ANKS1B: variants seen among roughly 807,000 people sequenced by gnomAD.
ANKS1B encodes the protein ankyrin repeat and sterile alpha motif domain containing 1B.
A neutral mutation model predicts 148.3 loss-of-function variants in ANKS1B; 36 were observed. The observed-to-expected ratio is 0.24, with a 90% CI of 0.19 to 0.32. The LOEUF is 0.32. Ranked by LOEUF, ANKS1B falls within the 10% of genes least tolerant of loss-of-function variation. ANKS1B has a pLI of 1.00. For synonymous variants in ANKS1B, 542 were observed against 560.8 expected, an observed-to-expected ratio of 0.97 and a Z score of 0.47; for missense variants, 1,157 against 1,542.6, an observed-to-expected ratio of 0.75 and a Z score of 4.19.
chr12:99,521,658 C>T (rs191600975), intron 9 of ANKS1B, among the ~76,000 whole-genome samples: 52 of 152,214 alleles, frequency 3.4e-4, no homozygotes, highest in African/African-American at 1.2e-3. Flanking sequence ...CTCTTGATTA[C>T]CAGGCAGAGA....
At chr12:98,929,065 C>T (rs640801) in intron 17 of ANKS1B, among the ~76,000 whole-genome samples, 117,681 of 147,662 alleles carry the variant, frequency 0.8, 51,282 homozygotes, top group Non-Finnish European at 0.86. Context: ...CACACACACA[C>T]ACACACAAGT....
chr12:99,499,361 G>T (rs551830753), intron 10 of ANKS1B, among the ~76,000 whole-genome samples: 1 of 152,154 alleles, frequency 6.6e-6, no homozygotes, highest in East Asian at 1.9e-4. Context: ...AAACACAATT[G>T]GGGAAAATTA....
At chr12:99,258,111 CCA>C (rs968815738) in intron 12 of ANKS1B, among the ~76,000 whole-genome samples, 1 of 152,080 alleles carries the variant, frequency 6.6e-6, no homozygotes, top group African/African-American at 2.4e-5. Flanking sequence ...TTCAAAAAAA[CCA>C]CAGTTTATTA....
At chr12:99,413,359 C>T (rs1013951323) in intron 11 of ANKS1B, among the ~76,000 whole-genome samples, 22 of 152,006 alleles carry the variant, frequency 1.4e-4, no homozygotes, top group African/African-American at 5.3e-4. Flanking sequence ...GCATTTTCCC[C>T]GAAAGACACC....
In ANKS1B at chr12:99,286,438, C is replaced by T. The variant is rs11109797; in HGVS notation, c.1757-39574G>A. ...TACTTGTCATAGGCCTTGGGTAAGA[C>T]CCAGGGCCACACTGGCTTTATGTGT... On this transcript the variant is annotated intron_variant, in intron 12 of 26. Transcript: ENST00000683438. Among the ~76,000 whole-genome samples the T allele has an allele frequency of 4.6e-5, 7 of 152,104 alleles. No individual in the cohort carries two copies. In the East Asian group the frequency reaches 1.4e-3, roughly 30 times the overall value.
At chr12:99,981,921 A>T (rs1323901532) in intron 1 of ANKS1B, among the ~76,000 whole-genome samples, 1 of 152,150 alleles carries the variant, frequency 6.6e-6, no homozygotes, top group Non-Finnish European at 1.5e-5. Context: ...ATTTTCCATT[A>T]TCCTGCCAAT....
chr12:99,053,911 G>A (rs2099967860), intron 16 of ANKS1B, among the ~76,000 whole-genome samples: 1 of 152,158 alleles, frequency 6.6e-6, no homozygotes, highest in Admixed American at 6.5e-5. Flanking sequence ...TAGAGAACTT[G>A]CTGGCAGACA....
chr12:99,488,785 TTGCTTTTCAGCACAA>T, intron 10 of ANKS1B, among the ~76,000 whole-genome samples: 2 of 152,324 alleles, frequency 1.3e-5, no homozygotes, highest in East Asian at 3.9e-4. Flanking sequence ...GATATTTTCT[TTGCTTTTCAGCACAA>T]GTAACGTTTA....
chr12:99,472,047 TAAC>T (rs2096250481), intron 10 of ANKS1B, among the ~76,000 whole-genome samples: 1 of 152,174 alleles, frequency 6.6e-6, no homozygotes, highest in Non-Finnish European at 1.5e-5. Flanking sequence ...CATTCCTATA[TAAC>T]AAATTTTAAT....
chr12:99,729,767 C>T (rs924502), intron 8 of ANKS1B, among the ~76,000 whole-genome samples: 30,255 of 152,120 alleles, frequency 0.2, 3,567 homozygotes, highest in East Asian at 0.51. Context: ...GGTAAACCCA[C>T]CCCTGCTCTA....
intron 9 of ANKS1B, among the ~76,000 whole-genome samples, chr12:99,654,686 A>AAT (rs1598938217): frequency 6.6e-6 from 1 of 152,148 alleles, no homozygotes; most frequent in Non-Finnish European, 1.5e-5. Context: ...TGAAAAATAT[A>AAT]ATCACTGGCT....
intron 8 of ANKS1B, among the ~76,000 whole-genome samples, chr12:99,744,574 CCT>C (rs1246304668): frequency 1.2e-4 from 18 of 152,154 alleles, no homozygotes; most frequent in African/African-American, 4.3e-4. Context: ...CTGCTTAGTT[CCT>C]CTTTCTTCAG....
At chr12:99,902,917 ATTG>A (rs3054225) in intron 1 of ANKS1B, among the ~76,000 whole-genome samples, 33 of 150,214 alleles carry the variant, frequency 2.2e-4, no homozygotes, top group African/African-American at 8.1e-4. Flanking sequence ...CGCCCGGCTA[ATTG>A]TTGTTGTTGT....
intron 1 of ANKS1B, among the ~76,000 whole-genome samples, chr12:99,842,623 T>C (rs1197600058): frequency 1.3e-5 from 2 of 152,036 alleles, no homozygotes; most frequent in African/African-American, 4.8e-5. Context: ...CCATGTTTCC[T>C]CTTGGTAATT....
chr12:99,638,705 C>T (rs1381353564), intron 9 of ANKS1B, among the ~76,000 whole-genome samples: 1 of 152,186 alleles, frequency 6.6e-6, no homozygotes, highest in Non-Finnish European at 1.5e-5. Flanking sequence ...ATGTTAATCA[C>T]CAAGACAATG....
chr12:99,107,164 T>C (rs1294130621), intron 15 of ANKS1B, among the ~76,000 whole-genome samples: 1 of 151,972 alleles, frequency 6.6e-6, no homozygotes, highest in African/African-American at 2.4e-5. Flanking sequence ...TAAGATGTAA[T>C]ATAATTTATA....
intron 11 of ANKS1B, among the ~76,000 whole-genome samples, chr12:99,429,251 A>C (rs1200715213): frequency 6.6e-6 from 1 of 152,228 alleles, no homozygotes; most frequent in African/African-American, 2.4e-5. Context: ...ATCATTTGAA[A>C]AATCATTATC....
intron 26 of ANKS1B, among the ~76,000 whole-genome samples, chr12:98,749,789 T>C (rs948282242): frequency 6.6e-6 from 1 of 152,026 alleles, no homozygotes. Context: ...GAGGGGAGTC[T>C]CAAGGAGCTA....
At chr12:99,089,476 T>C (rs953516614) in intron 15 of ANKS1B, among the ~76,000 whole-genome samples, 2 of 152,206 alleles carry the variant, frequency 1.3e-5, no homozygotes, top group African/African-American at 2.4e-5. Flanking sequence ...GGCCACCATA[T>C]TGGACAACAA....
Sources: allele counts gnomAD v4.1 joint callset (sites outside exome capture counted in the v4.1 genomes callset), GRCh38; gene constraint gnomAD v4.1.1; transcripts MANE v1.5; gene names NCBI Gene and HGNC (gene_info 2026-07-23, HGNC 2026-07-21).